The following ECE2 variants were observed in gnomAD, a reference collection of about 807,000 sequenced individuals.
ECE2 encodes the protein endothelin converting enzyme 2.
A neutral mutation model predicts 100.6 loss-of-function variants in ECE2; 81 were observed. The observed-to-expected ratio is 0.81, with a 90% CI of 0.67 to 0.97. ECE2 has a LOEUF of 0.97. Among genes scored for constraint, ECE2 ranks in the 50% least tolerant of loss-of-function variants. ECE2 has a pLI of 0.00. For synonymous variants in ECE2, 391 were observed against 391.5 expected, an observed-to-expected ratio of 1.00 and a Z score of 0.02; for missense variants, 911 against 988.1, an observed-to-expected ratio of 0.92 and a Z score of 1.05.
At chr3:184,288,108 A>T (rs1721142095) in intron 11 of ECE2, among the ~76,000 whole-genome samples, 161 bp downstream of exon 11, 4 of 152,138 alleles carry the variant, frequency 2.6e-5, no homozygotes, top group Admixed American at 2.6e-4. Flanking sequence ...CAGGAGTTCG[A>T]GACCAGCCTG....
At chr3:184,276,320 G>T (rs1720545979) in intron 1 of ECE2, 128 bp downstream of exon 1, 2 of 1,373,110 alleles carry the variant, frequency 1.5e-6, no homozygotes, top group Admixed American at 5.1e-5. Context: ...CCTGGTGGAG[G>T]GGTGATAGAG....
intron 11 of ECE2, among the ~76,000 whole-genome samples, chr3:184,288,162 T>C (rs1305997515): frequency 1.1e-4 from 17 of 151,654 alleles, no homozygotes; most frequent in Admixed American, 1.1e-3. Flanking sequence ...TACAAAAAAT[T>C]AGCCGGGCGT....
At chr3:184,277,225 C>T (rs185729415) in intron 3 of ECE2, 26 bp from the exon 4 acceptor site, 572 of 1,613,298 alleles carry the variant, frequency 3.5e-4, no homozygotes, top group Non-Finnish European at 4.4e-4. Context: ...CAGTCTCCTA[C>T]CCTCCGGCCA....
chr3:184,278,821 T>G (rs1720691256), intron 7 of ECE2: 4 of 518,786 alleles, frequency 7.7e-6, no homozygotes, highest in Admixed American at 3.6e-5. Context: ...TTCTGAGATA[T>G]AAGTTTCCGA....
At chr3:184,280,396 CTCAA>C (rs1373495973) in intron 7 of ECE2, among the ~76,000 whole-genome samples, 11 of 152,294 alleles carry the variant, frequency 7.2e-5, no homozygotes, top group South Asian at 4.1e-4. Flanking sequence ...GTGGCAGATG[CTCAA>C]TCAGAGTGTG....
rs1199437448 is a variant in ECE2 at position 184,276,124 on chromosome 3, C to T, written c.-30C>T. 7.5e-7 allele frequency: 1 copy of T among 1,328,966 alleles called. No individual in the cohort carries two copies. 82.3% of individuals were successfully genotyped at this position (1,328,966 alleles called of 1,614,324 possible). A position where few individuals can be genotyped will look rare whatever the true frequency, so the allele number is the denominator to read the frequency against. On this transcript the variant is annotated 5_prime_UTR_variant, in exon 1 of 19. Coordinates refer to ENST00000404464, the MANE Select transcript of ECE2 (RefSeq NM_001100121.2). ...CCGGGAGCGGGCCAGCTGCCGGGAG[C>T]CCTGAATCACCGCCTGGCCCGACTC...
chr3:184,283,561 CAAAAAAAAAAAAA>C (rs35761542), intron 7 of ECE2, among the ~76,000 whole-genome samples: 13 of 53,084 alleles, frequency 2.4e-4, no homozygotes, highest in East Asian at 1.4e-3. Context: ...GACTCCATCT[CAAAAAAAAAAAAA>C]AAAAAAAAAA....
chr3:184,287,743 G>T, intron 10 of ECE2, 94 bp from the exon 11 acceptor site: 2 of 1,112,250 alleles, frequency 1.8e-6, no homozygotes, highest in Admixed American at 3.7e-5. Flanking sequence ...CTTGTCCAGA[G>T]CTGAGAAGGG....
At chr3:184,276,360 G>A in intron 1 of ECE2, 121 bp from the exon 2 acceptor site, 3 of 1,406,790 alleles carry the variant, frequency 2.1e-6, no homozygotes, top group Non-Finnish European at 1.9e-6. Flanking sequence ...AGGGCAGGTG[G>A]GAAGGGAAGG....
intron 2 of ECE2, 35 bp downstream of exon 2, chr3:184,276,602 C>G (rs1720563631): frequency 1.3e-6 from 2 of 1,595,318 alleles, no homozygotes; most frequent in South Asian, 1.1e-5. Context: ...TCACCAGGCC[C>G]CAGCCCTGGC....
Position 184,284,398 on chromosome 3 carries a change from C to T in ECE2, c.1005+425C>T, listed in dbSNP as rs191748508. Among the ~76,000 whole-genome samples, 16 of 152,068 alleles carry T rather than the reference C, an allele frequency of 1.1e-4. No individual in the cohort carries two copies. In the East Asian group the frequency reaches 2.5e-3, roughly 24 times the overall value. On this transcript the variant is annotated intron_variant, in intron 8 of 18. Coordinates refer to ENST00000404464, the MANE Select transcript of ECE2 (RefSeq NM_001100121.2). Reference sequence around the variant, plus strand: ...TCTCTACTAAAAATAAAAAATTAGCCGGGTGTGGTGGCACATGCCTGTAAT... The same window carrying T: ...TCTCTACTAAAAATAAAAAATTAGCTGGGTGTGGTGGCACATGCCTGTAAT...
chr3:184,278,506 G>C lies in ECE2; in HGVS notation c.765G>C (p.Gly255=), dbSNP rs751609747. Residue 255 remains glycine, a synonymous_variant, in exon 7 of 19, where the codon GGG becomes GGC. Coordinates refer to ENST00000404464, the MANE Select transcript of ECE2 (RefSeq NM_001100121.2). ...NSNVIQVDQS[G]LFLPSRDYYL... is the part of the protein sequence containing the mutation. Reference sequence around the variant, plus strand: ...TGACATTGCAGGTGGACCAGTCTGGGCTCTTTCTGCCCTCTCGGGATTACT... The same window carrying C: ...TGACATTGCAGGTGGACCAGTCTGGCCTCTTTCTGCCCTCTCGGGATTACT... The C allele has an allele frequency of 7.4e-6, 12 of 1,614,042 alleles. No homozygotes were observed. Among genetic ancestry groups the C allele is most frequent in the Non-Finnish European group, 1.0e-5 (12 of 1,180,008 alleles).
Position 184,292,425 on chromosome 3 carries a change from C to T in ECE2, c.*187C>T, listed in dbSNP as rs1051773813. 4 of 654,070 alleles carry T rather than the reference C, an allele frequency of 6.1e-6. No homozygotes were observed. The highest frequency in any genetic ancestry group is 5.9e-5 in the Admixed American group (2 of 33,850). The allele number at this position is 654,070 out of a possible 1,614,324, so 40.5% of individuals were successfully genotyped here. A position where few individuals can be genotyped will look rare whatever the true frequency, so the allele number is the denominator to read the frequency against. On this transcript the variant is annotated 3_prime_UTR_variant, in exon 19 of 19. Transcript: ENST00000404464. Reference sequence around the variant, plus strand: ...ATTGTGCCTCTGCTTTGGGGGTGCCCCTGCCTCCAGCAGAGCCCCCACCAT... The same window carrying T: ...ATTGTGCCTCTGCTTTGGGGGTGCCTCTGCCTCCAGCAGAGCCCCCACCAT...
At chr3:184,284,654 G>C (rs1720956123) in intron 8 of ECE2, among the ~76,000 whole-genome samples, 1 of 152,156 alleles carries the variant, frequency 6.6e-6, no homozygotes, top group Non-Finnish European at 1.5e-5. Flanking sequence ...ATGGAGTGTG[G>C]TTCTGGAGGA....
In ECE2 at chr3:184,285,489, A is replaced by G; in HGVS notation, c.1160A>G (p.Asn387Ser). 1.2e-6 allele frequency: 2 copies of G among 1,613,884 alleles called. No individual in the cohort carries two copies. The highest frequency in any genetic ancestry group is 8.5e-7 in the Non-Finnish European group (1 of 1,179,844). The change falls in exon 10 of 19, where the codon AAT becomes AGT. Residue 387 changes from asparagine (N) to serine (S), a missense_variant. Physicochemically the swap from Asn to Ser is conservative, Grantham distance 46. Transcript: ENST00000404464. ...INRTEPSILN[N>S]YLIWNLVQKT... ...GGTCTGGTTGTCAGCATCCTGAACAATTACCTGATCTGGAACCTGGTGCAA... is the reference window on the plus strand; with the variant it reads ...GGTCTGGTTGTCAGCATCCTGAACAGTTACCTGATCTGGAACCTGGTGCAA...
intron 7 of ECE2, among the ~76,000 whole-genome samples, chr3:184,279,489 C>G (rs1256869966): frequency 6.6e-6 from 1 of 151,582 alleles, no homozygotes; most frequent in Non-Finnish European, 1.5e-5. Context: ...AAACCCGTCT[C>G]TACTAAAAAT....
At chr3:184,288,014 T>C (rs1158953710) in intron 11 of ECE2, 67 bp downstream of exon 11, 15 of 1,489,574 alleles carry the variant, frequency 1.0e-5, no homozygotes, top group East Asian at 6.9e-5. Context: ...TGCAGACATA[T>C]AGAAAAACAA....
At position 184,283,989 on chromosome 3, in the gene ECE2, G is replaced by A; in HGVS notation, c.1005+16G>A. On this transcript the variant is annotated intron_variant, in intron 8 of 18. Transcript: ENST00000404464. ...GGAGCTGCAGGTGGGGCAGGCAGGG[G>A]GCTGGAGACAACTGAGAGGGGCCAG... The A allele has an allele frequency of 6.2e-7, 1 of 1,612,728 alleles. No homozygotes were observed. The highest frequency in any genetic ancestry group is 8.5e-7 in the Non-Finnish European group (1 of 1,179,600).
intron 10 of ECE2, among the ~76,000 whole-genome samples, chr3:184,285,894 G>GTACA (rs2108427843): frequency 6.6e-6 from 1 of 152,306 alleles, no homozygotes; most frequent in Admixed American, 6.5e-5. Context: ...CACAGTACAT[G>GTACA]GTATGTATAG....
Sources: gnomAD v4.1 joint callset for allele counts (sites outside exome capture counted in the v4.1 genomes callset) on GRCh38, gnomAD v4.1.1 for gene constraint, MANE v1.5 for transcripts, NCBI Gene and HGNC (gene_info 2026-07-23, HGNC 2026-07-21) for gene names.